The following NKTR variants were observed in gnomAD, a reference collection of about 807,000 sequenced individuals.
The protein encoded by NKTR is NK-tumor recognition protein.
Under a neutral mutation model 156.3 loss-of-function variants are expected in NKTR, and 67 were observed. That is an observed-to-expected ratio of 0.43 (90% CI 0.35 to 0.53). NKTR has a LOEUF of 0.53. NKTR is among the 20% of genes least tolerant of loss of function. NKTR has a pLI of 0.01. For synonymous variants in NKTR, 640 were observed against 596.6 expected (o/e 1.07, Z -1.06); for missense variants, 1,604 against 1,730.9 (o/e 0.93, Z 1.30).
rs1411427951 is a variant in NKTR at position 42,637,121 on chromosome 3, C to G, written c.1417C>G (p.Arg473Gly). ...SDIESSKSSTRRMKSSCDRER... is the reference protein window; with the variant it reads ...SDIESSKSSTGRMKSSCDRER... ...CATAGAATCCTCAAAATCTTCCACT[C>G]GAAGAATGAAATCCTCTTGTGATAG... Residue 473 changes from arginine (R) to glycine (G), a missense_variant, in exon 13 of 17, where the codon CGA becomes GGA. Physicochemically the swap from Arg to Gly is moderately radical, Grantham distance 125. Coordinates refer to ENST00000232978, the MANE Select transcript of NKTR (RefSeq NM_005385.4). The G allele has an allele frequency of 1.2e-6, 2 of 1,607,444 alleles. No homozygotes were observed. Among genetic ancestry groups the G allele is most frequent in the Admixed American group, 1.7e-5 (1 of 58,286 alleles).
chr3:42,632,083 T>TG (rs1417877756), intron 8 of NKTR, among the ~76,000 whole-genome samples: 1 of 147,156 alleles, frequency 6.8e-6, no homozygotes, highest in East Asian at 2.0e-4. Context: ...TTTTTTTTTT[T>TG]TTTGAGACAA....
At chr3:42,635,003 T>C in intron 11 of NKTR, 1 of 455,658 alleles carries the variant, frequency 2.2e-6, no homozygotes, top group Non-Finnish European at 3.8e-6. Context: ...GCCCATCTCT[T>C]TTAATGCCTT....
Position 42,638,252 on chromosome 3 carries a change from G to A in NKTR, c.2548G>A (p.Glu850Lys). Residue 850 changes from glutamate (E) to lysine (K), a missense_variant, in exon 13 of 17, where the codon GAA becomes AAA. Physicochemically the swap from Glu to Lys is moderately conservative, Grantham distance 56 (BLOSUM62 1). This residue lies in a region of NKTR where 1,255 missense variants were observed against 1,243.7 expected (regional missense o/e 1.01). Coordinates refer to ENST00000232978, the MANE Select transcript of NKTR (RefSeq NM_005385.4). ...KNRGEEKSKSERECPHSKKRT... is the reference protein window; with the variant it reads ...KNRGEEKSKSKRECPHSKKRT... ...CAGAGGTGAAGAAAAATCCAAGTCTGAACGGGAATGCCCTCATTCAAAAAA... is the reference window on the plus strand; with the variant it reads ...CAGAGGTGAAGAAAAATCCAAGTCTAAACGGGAATGCCCTCATTCAAAAAA... 9 of 1,612,754 alleles carry A rather than the reference G, an allele frequency of 5.6e-6. No individual in the cohort carries two copies. Among genetic ancestry groups the A allele is most frequent in the Admixed American group, 1.7e-5 (1 of 59,688 alleles).
intron 2 of NKTR, among the ~76,000 whole-genome samples, chr3:42,615,402 A>G (rs1707259309): frequency 6.6e-6 from 1 of 150,700 alleles, no homozygotes; most frequent in East Asian, 1.9e-4. Context: ...TTTTTTTTAA[A>G]CCACTCTAGT....
Position 42,638,243 on chromosome 3 carries a change from T to C in NKTR, c.2539T>C (p.Ser847Pro), listed in dbSNP as rs1709589316. ...AGAAAAAAACAGAGGTGAAGAAAAA[T>C]CCAAGTCTGAACGGGAATGCCCTCA... ...KQEKNRGEEK[S>P]KSERECPHSK... The change falls in exon 13 of 17, where the codon TCC (serine) becomes CCC (proline). Residue 847 changes from serine to proline, a missense_variant. Ser to Pro is a moderately conservative substitution (Grantham distance 74). Around this residue, in one of 6 missense-constraint regions of NKTR, gnomAD observed 1,255 missense variants for 1,243.7 expected, o/e 1.01. Coordinates refer to ENST00000232978, the MANE Select transcript of NKTR (RefSeq NM_005385.4). The C allele has an allele frequency of 1.2e-6, 2 of 1,612,514 alleles. No homozygotes were observed. The highest frequency in any genetic ancestry group is 1.7e-5 in the Admixed American group (1 of 59,716).
Position 42,646,020 on chromosome 3 carries a change from ACTTAG to A in NKTR, c.*50_*54del. 4 of 1,384,572 alleles carry A rather than the reference ACTTAG, an allele frequency of 2.9e-6. No individual in the cohort carries two copies. Among genetic ancestry groups the A allele is most frequent in the Non-Finnish European group, 4.1e-6 (4 of 978,730 alleles). The allele number at this position is 1,384,572 out of a possible 1,614,324, so 85.8% of individuals were successfully genotyped here. ...ATATCTTATTTGTAAATATCTGGCA[ACTTAG>A]CTTAAGAAATGTAATGACAGTCTGT... On this transcript the variant is annotated 3_prime_UTR_variant, in exon 17 of 17. Coordinates refer to ENST00000232978, the MANE Select transcript of NKTR (RefSeq NM_005385.4).
chr3:42,623,955 G>C lies in NKTR; in HGVS notation c.374+2439G>C, dbSNP rs551419818. The stretch of plus-strand genomic sequence containing the variant: ...GTTTTTGTTACAAATCTGTTACTTT[G>C]CAATTCCTAAGGAGTAGATTTGGTG... On this transcript the variant is annotated intron_variant, in intron 6 of 16. Coordinates refer to ENST00000232978, the MANE Select transcript of NKTR (RefSeq NM_005385.4). 17 of 152,140 alleles carry C rather than the reference G, an allele frequency of 1.1e-4. No homozygotes were observed. In the East Asian group the frequency reaches 3.3e-3, roughly 29 times the overall value. The allele number at this position is 152,140 out of a possible 1,614,324, so 9.4% of individuals were successfully genotyped here.
Position 42,646,088 on chromosome 3 carries a change from G to A in NKTR, c.*113G>A, listed in dbSNP as rs1322884394. 7.1e-6 allele frequency: 5 copies of A among 699,412 alleles called. No individual in the cohort carries two copies. In the East Asian group the frequency reaches 1.4e-4, roughly 20 times the overall value. The allele number at this position is 699,412 out of a possible 1,614,324, so 43.3% of individuals were successfully genotyped here. On this transcript the variant is annotated 3_prime_UTR_variant, in exon 17 of 17. Transcript: ENST00000232978. The stretch of plus-strand genomic sequence containing the variant: ...ATATCAGAGGTGAATTTCAAAAATA[G>A]ACACTTCTTAATTGTTACTGGTTCA...
Position 42,635,223 on chromosome 3 carries a change from C to A in NKTR, c.1020C>A (p.Arg340=). The A allele has an allele frequency of 6.2e-7, 1 of 1,610,576 alleles. No homozygotes were observed. Among genetic ancestry groups the A allele is most frequent in the South Asian group, 1.1e-5 (1 of 90,366 alleles). Residue 340 remains arginine, a splice_region_variant and synonymous_variant, in exon 12 of 17, where the codon CGC becomes CGA. Transcript: ENST00000232978. ...TACTATTGTTTTTGTTTTTAAAGCG[C>A]TATCACACACCTCCAAGATCAAGAT... ...GRKIKGRGTI[R]YHTPPRSRSC... is the part of the protein sequence containing the mutation.
At chr3:42,620,481 A>G (rs1458190340) in intron 5 of NKTR, 1 of 986,012 alleles carries the variant, frequency 1.0e-6, no homozygotes, top group East Asian at 1.1e-4. Flanking sequence ...TTTTAACGCT[A>G]TAATAGCTTC....
rs1422301797 is a variant in NKTR, at chr3:42,648,723, A to G, written c.*2748A>G. ...GGGGACCTTGTAGAAATTAAAATATATACTTAGTCTAAGTCTGAGTCTGTT... is the reference window on the plus strand; with the variant it reads ...GGGGACCTTGTAGAAATTAAAATATGTACTTAGTCTAAGTCTGAGTCTGTT... On this transcript the variant is annotated 3_prime_UTR_variant, in exon 17 of 17. Coordinates refer to ENST00000232978, the MANE Select transcript of NKTR (RefSeq NM_005385.4). 1 of 152,660 alleles carries G rather than the reference A, an allele frequency of 6.6e-6. No homozygotes were observed. The highest frequency in any genetic ancestry group is 1.5e-5 in the Non-Finnish European group (1 of 68,046). The allele number at this position is 152,660 out of a possible 1,614,324, so 9.5% of individuals were successfully genotyped here.
intron 6 of NKTR, chr3:42,627,493 A>C: frequency 1.0e-6 from 1 of 985,280 alleles, no homozygotes; most frequent in Non-Finnish European, 1.2e-6. Context: ...TTTAGTTCTC[A>C]TTTCAGTGTG....
At chr3:42,612,061 G>A (rs757923774) in intron 2 of NKTR, among the ~76,000 whole-genome samples, 2 of 152,150 alleles carry the variant, frequency 1.3e-5, no homozygotes, top group African/African-American at 2.4e-5. Flanking sequence ...AGGTTGTGCC[G>A]TTGCACTACA....
chr3:42,618,179 C>T (rs1038782973), intron 3 of NKTR, among the ~76,000 whole-genome samples: 4 of 151,610 alleles, frequency 2.6e-5, no homozygotes, highest in East Asian at 2.0e-4. Flanking sequence ...GGTGAAACCC[C>T]GTCTCTACTA....
chr3:42,631,498 C>T (rs1559575593), intron 8 of NKTR, among the ~76,000 whole-genome samples, 182 bp downstream of exon 8: 2 of 152,290 alleles, frequency 1.3e-5, no homozygotes, highest in African/African-American at 2.4e-5. Flanking sequence ...TATTTCCTTG[C>T]CACCAGCCTT....
Position 42,630,573 on chromosome 3 carries a change from T to C in NKTR, c.402T>C (p.Asp134=), listed in dbSNP as rs1708799902. The change falls in exon 7 of 17, where the codon GAT becomes GAC. Residue 134 remains aspartate, a splice_region_variant and synonymous_variant. Transcript: ENST00000232978. ...CCACAAAGCCTGCTCCACACCTGGATGGGTAAGAGTTACATTCTTACTACA... is the reference window on the plus strand; with the variant it reads ...CCACAAAGCCTGCTCCACACCTGGACGGGTAAGAGTTACATTCTTACTACA... ...FITTKPAPHL[D]GVHVVFGLVI... 1 of 1,613,720 alleles carries C rather than the reference T, an allele frequency of 6.2e-7. No homozygotes were observed. The highest frequency in any genetic ancestry group is 1.3e-5 in the African/African-American group (1 of 74,914).
At position 42,637,901 on chromosome 3, in the gene NKTR, A is replaced by T; in HGVS notation, c.2197A>T (p.Ser733Cys). 6.2e-7 allele frequency: 1 copy of T among 1,613,998 alleles called. No individual in the cohort carries two copies. The highest frequency in any genetic ancestry group is 8.5e-7 in the Non-Finnish European group (1 of 1,179,860). The stretch of plus-strand genomic sequence containing the variant: ...TAGATCTCATTCACGAAATAAATAC[A>T]GTGATCATTCACAGTGTAGTAGATC... Reference protein sequence around the residue: ...SSRSHSRNKYSDHSQCSRSSS... With the variant: ...SSRSHSRNKYCDHSQCSRSSS... The change falls in exon 13 of 17, where the codon AGT becomes TGT. Residue 733 changes from serine (S) to cysteine (C), a missense_variant. Coordinates refer to ENST00000232978, the MANE Select transcript of NKTR (RefSeq NM_005385.4).
chr3:42,608,443 C>A (rs916513804), intron 2 of NKTR, among the ~76,000 whole-genome samples: 3 of 152,084 alleles, frequency 2.0e-5, no homozygotes, highest in Non-Finnish European at 4.4e-5. Flanking sequence ...AGAAGAGATG[C>A]CTAGGGCAAG....
At chr3:42,619,809 T>TTGCATGAAACTAATGC in intron 5 of NKTR, 101 bp downstream of exon 5, 1 of 1,544,600 alleles carries the variant, frequency 6.5e-7, no homozygotes, top group Non-Finnish European at 8.7e-7. Flanking sequence ...AGTTCACTTT[T>TTGCATGAAACTAATGC]TGCATGAAAC....
Sources: allele counts gnomAD v4.1 joint callset (sites outside exome capture counted in the v4.1 genomes callset), GRCh38; gene constraint gnomAD v4.1.1; regional missense constraint gnomAD v4.1.1; transcripts MANE v1.5; gene names NCBI Gene and HGNC (gene_info 2026-07-23, HGNC 2026-07-21).